The following DMD variants were observed in gnomAD, a reference collection of about 807,000 sequenced individuals.
DMD encodes dystrophin.
A neutral mutation model predicts 330.1 loss-of-function variants in DMD; 63 were observed. That is an observed-to-expected ratio of 0.19 (90% CI 0.16 to 0.24). DMD has a LOEUF of 0.24. Among genes scored for constraint, DMD ranks in the 10% least tolerant of loss-of-function variants. The probability of loss-of-function intolerance (pLI) is 1.00; values close to 1 mark genes in which losing one functional copy is unlikely to be tolerated. For synonymous variants in DMD, 1,223 were observed against 959.8 expected, an observed-to-expected ratio of 1.27 and a Z score of -5.07; for missense variants, 3,344 against 2,684.1, an observed-to-expected ratio of 1.25 and a Z score of -5.43.
intron 51 of DMD, among the ~76,000 whole-genome samples, chrX:31,752,130 A>G (rs960896156): frequency 8.9e-6 from 1 of 112,099 alleles, no homozygotes; most frequent in African/African-American, 3.2e-5. Flanking sequence ...AACCCAGGCT[A>G]TCTCTCCGTG....
intron 44 of DMD, among the ~76,000 whole-genome samples, chrX:32,071,164 C>A (rs1326682075): frequency 9.0e-6 from 1 of 110,518 alleles, no homozygotes; most frequent in Non-Finnish European, 1.9e-5. Context: ...ATTTATAATC[C>A]TTTGGGTATA....
intron 4 of DMD, among the ~76,000 whole-genome samples, chrX:32,827,658 CCCTT>C (rs1218539860): frequency 1.4e-5 from 1 of 71,492 alleles, no homozygotes; most frequent in Admixed American, 2.2e-4. Flanking sequence ...TTATTAACTC[CCCTT>C]TTTTTTTTTT....
intron 47 of DMD, among the ~76,000 whole-genome samples, chrX:31,928,187 T>C (rs1380973441): frequency 8.9e-6 from 1 of 111,889 alleles, no homozygotes; most frequent in Non-Finnish European, 1.9e-5. Flanking sequence ...ATTCCAATTA[T>C]ATAAAAGATC....
chrX:32,597,470 A>C (rs1017396073), intron 12 of DMD, among the ~76,000 whole-genome samples: 2 of 111,694 alleles, frequency 1.8e-5, no homozygotes, highest in Non-Finnish European at 3.8e-5. Flanking sequence ...GATTGCACAA[A>C]GATTACAATA....
At chrX:32,866,349 T>A (rs1270074425) in intron 2 of DMD, among the ~76,000 whole-genome samples, 1 of 112,384 alleles carries the variant, frequency 8.9e-6, no homozygotes, top group Non-Finnish European at 1.9e-5. Context: ...CTACTGAGTT[T>A]CAAGGTGGCT....
At chrX:31,941,947 G>T (rs957555076) in intron 45 of DMD, among the ~76,000 whole-genome samples, 6 of 111,789 alleles carry the variant, frequency 5.4e-5, no homozygotes, top group Non-Finnish European at 3.8e-5. Flanking sequence ...GGGCACCTAG[G>T]TTGATTCCAT....
At chrX:32,002,199 T>G (rs1317981559) in intron 44 of DMD, among the ~76,000 whole-genome samples, 2 of 112,017 alleles carry the variant, frequency 1.8e-5, no homozygotes, top group Non-Finnish European at 3.8e-5. Context: ...TACTTCGTGT[T>G]TGTTCTCTAT....
At chrX:31,553,315 T>C (rs891863014) in intron 55 of DMD, among the ~76,000 whole-genome samples, 1 of 112,560 alleles carries the variant, frequency 8.9e-6, no homozygotes, top group Non-Finnish European at 1.9e-5. Context: ...GGTCCCCTCC[T>C]GGGCAGATCT....
At chrX:32,315,726 ATGTG>A (rs913445880) in intron 41 of DMD, among the ~76,000 whole-genome samples, 1 of 111,069 alleles carries the variant, frequency 9.0e-6, no homozygotes, top group African/African-American at 3.3e-5. Context: ...ACCTGACCCC[ATGTG>A]TCTACCATAG....
chrX:31,788,808 A>C (rs1480220648), intron 50 of DMD, among the ~76,000 whole-genome samples: 1 of 111,203 alleles, frequency 9.0e-6, no homozygotes, highest in Non-Finnish European at 1.9e-5. Flanking sequence ...TGATCCTTTT[A>C]TCATTATTTA....
chrX:32,482,864 C>A (rs184107631), intron 21 of DMD, among the ~76,000 whole-genome samples: 10 of 109,239 alleles, frequency 9.2e-5, no homozygotes, highest in African/African-American at 2.6e-4. Context: ...ATGCCATTTT[C>A]CAACACTGAT....
intron 55 of DMD, among the ~76,000 whole-genome samples, chrX:31,623,751 C>G (rs2078691193): frequency 9.0e-6 from 1 of 110,866 alleles, no homozygotes; most frequent in Non-Finnish European, 1.9e-5. Context: ...AAGATATGGC[C>G]TGAGACATGA....
At chrX:33,222,332 C>G (rs902400306) in intron 1 of DMD, among the ~76,000 whole-genome samples, 1 of 111,875 alleles carries the variant, frequency 8.9e-6, no homozygotes, top group Non-Finnish European at 1.9e-5. Flanking sequence ...AAGCATTTGA[C>G]AAACTGATAT....
At chrX:31,831,892 G>A (rs78050184) in intron 49 of DMD, among the ~76,000 whole-genome samples, 299 of 112,644 alleles carry the variant, frequency 2.7e-3, no homozygotes, top group Admixed American at 0.011. Context: ...GCGAGCCACC[G>A]CGCCCAGTCG....
At chrX:32,976,219 C>CAA (rs34752504) in intron 2 of DMD, among the ~76,000 whole-genome samples, 32,796 of 96,951 alleles carry the variant, frequency 0.34, 4,433 homozygotes, top group African/African-American at 0.4. Context: ...AGACTCGTCT[C>CAA]AAAAAAAAAA....
At chrX:33,163,660 A>ATC (rs1569557027) in intron 1 of DMD, among the ~76,000 whole-genome samples, 4 of 16,564 alleles carry the variant, frequency 2.4e-4, no homozygotes, top group African/African-American at 7.2e-4. Flanking sequence ...ATCTATCTAT[A>ATC]TAAAGTTTTA....
At position 32,517,600 on chromosome X, in the gene DMD, C is replaced by A. The variant is rs1304885193; in HGVS notation, c.2292+408G>T. 4 of 148,051 alleles carry A rather than the reference C, an allele frequency of 2.7e-5. No individual in the cohort carries two copies. The South Asian group carries it at 9.7e-4, about 36-fold the overall frequency. The allele number at this position is 148,051 out of a possible 1,213,427, so 12.2% of individuals were successfully genotyped here. Reference sequence around the variant, plus strand: ...TTTTTGATAACAGTGAGAATATAGACATAGTCCTAAGTATGGTATCTATTA... The same window carrying A: ...TTTTTGATAACAGTGAGAATATAGAAATAGTCCTAAGTATGGTATCTATTA... On this transcript the variant is annotated intron_variant, in intron 18 of 78. Transcript: ENST00000357033.
At chrX:32,223,617 G>A (rs933527901) in intron 43 of DMD, among the ~76,000 whole-genome samples, 2 of 111,365 alleles carry the variant, frequency 1.8e-5, no homozygotes, top group African/African-American at 3.3e-5. Context: ...ACTAAATAGT[G>A]CCAAATGGAT....
intron 63 of DMD, among the ~76,000 whole-genome samples, chrX:31,241,855 A>T: frequency 8.9e-6 from 1 of 111,742 alleles, no homozygotes; most frequent in Non-Finnish European, 1.9e-5. Context: ...TTTTCTGAAG[A>T]TTTAACAATG....
Sources: allele counts gnomAD v4.1 joint callset (sites outside exome capture counted in the v4.1 genomes callset), GRCh38; gene constraint gnomAD v4.1.1; transcripts MANE v1.5; gene names NCBI Gene and HGNC (gene_info 2026-07-23, HGNC 2026-07-21).